Variants in PPARA observed in about 807,000 individuals in gnomAD.
PPARA encodes the protein peroxisome proliferator-activated receptor alpha.
A neutral mutation model predicts 42.2 loss-of-function variants in PPARA; 22 were observed. That is an observed-to-expected ratio of 0.52 (90% CI 0.37 to 0.74). PPARA has a LOEUF of 0.74. PPARA is among the 30% of genes least tolerant of loss of function. PPARA has a pLI of 0.00. For missense variants in PPARA, 465 were observed against 608.2 expected (o/e 0.76, Z 2.48); for synonymous variants, 242 against 239.3 (o/e 1.01, Z -0.10).
rs567271233 is a variant in PPARA at position 46,219,749 on chromosome 22, C to T, written c.509-63C>T. On this transcript the variant is annotated intron_variant, in intron 6 of 8. Transcript: ENST00000407236. This position sits in a 1 kb window ranked among gnomAD's most constrained non-coding sequence, Gnocchi z 4.8. ...TAAAGTCCTGGGGGAGCCCCTCGTC[C>T]AGCCCTGTCCGCGCAGTCATGACCT... The T allele has an allele frequency of 2.6e-6, 4 of 1,545,100 alleles. No individual in the cohort carries two copies. The South Asian group carries it at 4.5e-5, about 17-fold the overall frequency.
In PPARA at chr22:46,183,080, T is replaced by C. The variant is rs990400273; in HGVS notation, c.-43+6244T>C. On this transcript the variant is annotated intron_variant, in intron 3 of 8. Transcript: ENST00000407236. This position sits in a 1 kb window ranked among gnomAD's most constrained non-coding sequence, Gnocchi z 5.5. The stretch of plus-strand genomic sequence containing the variant: ...TCTTTTAAATGAAAAAAAGTTGTCT[T>C]GAAATAAGCATTAGAACTGTGGCTT... Among the ~76,000 whole-genome samples the C allele has an allele frequency of 6.6e-6, 1 of 152,200 alleles. No homozygotes were observed. Among genetic ancestry groups the C allele is most frequent in the South Asian group, 2.1e-4 (1 of 4,828 alleles).
intron 3 of PPARA, 67 bp downstream of exon 3, chr22:46,176,903 T>C (rs926070693): frequency 1.3e-5 from 2 of 152,232 alleles, no homozygotes; most frequent in Non-Finnish European, 2.9e-5. Flanking sequence ...AGGTGATCCT[T>C]TGAGCACTTT....
Position 46,211,946 on chromosome 22 carries a change from C to G in PPARA, c.209-3227C>G, listed in dbSNP as rs1010549659. Among the ~76,000 whole-genome samples, 6 of 152,046 alleles carry G rather than the reference C, an allele frequency of 3.9e-5. No homozygotes were observed. Among genetic ancestry groups the G allele is most frequent in the African/African-American group, 1.4e-4 (6 of 41,404 alleles). On this transcript the variant is annotated intron_variant, in intron 4 of 8. Coordinates refer to ENST00000407236, the MANE Select transcript of PPARA (RefSeq NM_005036.6). The surrounding 1 kb of genome is among the most constrained non-coding windows in gnomAD (Gnocchi z 4.1). ...TGACCTTGTGATCCACCTACCTCGG[C>G]CTCCCAAAGTGTTGGGATTACAGGC...
chr22:46,178,724 G>A (rs553598885), intron 3 of PPARA, among the ~76,000 whole-genome samples: 1 of 152,292 alleles, frequency 6.6e-6, no homozygotes, highest in South Asian at 2.1e-4. Context: ...ACTTGTGCCA[G>A]CCAGGAATGG....
chr22:46,215,876 C>T (rs114662257), intron 5 of PPARA, among the ~76,000 whole-genome samples: 188 of 152,294 alleles, frequency 1.2e-3, no homozygotes, highest in African/African-American at 3.8e-3. Flanking sequence ...CTAGCTTGTA[C>T]GCCCCTTATG....
chr22:46,178,702 A>G (rs1004464825), intron 3 of PPARA, among the ~76,000 whole-genome samples: 2 of 152,192 alleles, frequency 1.3e-5, no homozygotes, highest in Non-Finnish European at 2.9e-5. Context: ...ATTAGAAGGA[A>G]CAGTGCCCAG....
At position 46,150,685 on chromosome 22, in the gene PPARA, A is replaced by G. The variant is rs1924253550; in HGVS notation, c.-210+33A>G. 1 of 139,678 alleles carries G rather than the reference A, an allele frequency of 7.2e-6. No homozygotes were observed. The highest frequency in any genetic ancestry group is 2.6e-5 in the African/African-American group (1 of 37,890). 8.7% of individuals were successfully genotyped at this position (139,678 alleles called of 1,614,324 possible). ...GGGGCGGGCGGGCGGGCGGGCGGGA[A>G]CGCGCGCGGGGGTCCGCGGTCCGGG... On this transcript the variant is annotated intron_variant, in intron 1 of 8. Transcript: ENST00000407236. The surrounding 1 kb of genome is among the most constrained non-coding windows in gnomAD (Gnocchi z 7.5).
At chr22:46,202,795 G>A (rs1283156391) in intron 4 of PPARA, among the ~76,000 whole-genome samples, 1 of 150,522 alleles carries the variant, frequency 6.6e-6, no homozygotes, top group Non-Finnish European at 1.5e-5. Flanking sequence ...TCCAGGAGGC[G>A]GAGGTTGCAG....
Position 46,198,343 on chromosome 22 carries a change from A to G in PPARA, c.-41A>G. ...CCAATTGTTCCTCTTTCCTCCCAGTAGCTTGGAGCTCGGCGGCACAACCAG... is the reference window on the plus strand; with the variant it reads ...CCAATTGTTCCTCTTTCCTCCCAGTGGCTTGGAGCTCGGCGGCACAACCAG... On this transcript the variant is annotated splice_region_variant and 5_prime_UTR_variant, in exon 4 of 9. Transcript: ENST00000407236. 1 of 1,570,296 alleles carries G rather than the reference A, an allele frequency of 6.4e-7. No homozygotes were observed. Among genetic ancestry groups the G allele is most frequent in the Non-Finnish European group, 8.8e-7 (1 of 1,140,992 alleles).
chr22:46,186,039 T>G (rs961135834), intron 3 of PPARA, among the ~76,000 whole-genome samples: 6 of 144,106 alleles, frequency 4.2e-5, no homozygotes, highest in African/African-American at 1.5e-4. Flanking sequence ...TTCCTCTTGG[T>G]CTTGAGCAAA....
At position 46,225,465 on chromosome 22, in the gene PPARA, G is replaced by T. The variant is rs980338266; in HGVS notation, c.711+5451G>T. On this transcript the variant is annotated intron_variant, in intron 7 of 8. Transcript: ENST00000407236. The surrounding 1 kb of genome is among the most constrained non-coding windows in gnomAD (Gnocchi z 4.1). ...AAAATGAGACTGAGGGGCTTGGGCA[G>T]AGTCAGTGCCTTCTGTGTGATGCAC... Among the ~76,000 whole-genome samples, 1 of 152,150 alleles carries T rather than the reference G, an allele frequency of 6.6e-6. No homozygotes were observed. Among genetic ancestry groups the T allele is most frequent in the Non-Finnish European group, 1.5e-5 (1 of 68,006 alleles).
At position 46,185,894 on chromosome 22, in the gene PPARA, C is replaced by CAAAAAAA. The variant is rs1279499029; in HGVS notation, c.-43+9058_-43+9059insAAAAAAA. Among the ~76,000 whole-genome samples, 30 of 20,858 alleles carry CAAAAAAA rather than the reference C, an allele frequency of 1.4e-3. 3 individuals carry two copies. The highest frequency in any genetic ancestry group is 6.5e-3 in the African/African-American group (24 of 3,674). 13.7% of individuals were successfully genotyped at this position (20,858 alleles called of 152,430 possible). A position where few individuals can be genotyped will look rare whatever the true frequency, so the allele number is the denominator to read the frequency against. ...TGGGTGACAAAGTGAGACTCCGTCT[C>CAAAAAAA]CAAAAAAAAAAAAAAAAAAAAAATA... is the stretch of plus-strand genomic sequence containing the variant. On this transcript the variant is annotated intron_variant, in intron 3 of 8. Coordinates refer to ENST00000407236, the MANE Select transcript of PPARA (RefSeq NM_005036.6).
intron 5 of PPARA, among the ~76,000 whole-genome samples, chr22:46,217,676 G>C (rs1934608204): frequency 6.6e-6 from 1 of 152,056 alleles, no homozygotes; most frequent in Non-Finnish European, 1.5e-5. Context: ...AACTATAATT[G>C]TGTTTTCCCA....
chr22:46,189,777 C>T (rs1287852901), intron 3 of PPARA, among the ~76,000 whole-genome samples: 2 of 151,686 alleles, frequency 1.3e-5, no homozygotes, highest in South Asian at 2.1e-4. Flanking sequence ...GCAGTCTCAG[C>T]TCACTGCAAC....
In PPARA at chr22:46,190,691, G is replaced by A. The variant is rs145470311; in HGVS notation, c.-42-7651G>A. ...CCTGGGCCCGGGAGATCAAGGCTGC[G>A]GTGAGCCATGATCTTGCCATTGCAC... is the stretch of plus-strand genomic sequence containing the variant. On this transcript the variant is annotated intron_variant, in intron 3 of 8. Transcript: ENST00000407236. This position sits in a 1 kb window ranked among gnomAD's most constrained non-coding sequence, Gnocchi z 5.6. Among the ~76,000 whole-genome samples the A allele has an allele frequency of 9.3e-3, 1,416 of 152,198 alleles. 17 individuals carry two copies. The highest frequency in any genetic ancestry group is 0.032 in the African/African-American group (1,341 of 41,532).
intron 7 of PPARA, chr22:46,220,530 G>A: frequency 5.3e-6 from 1 of 189,866 alleles, no homozygotes; most frequent in Non-Finnish European, 1.1e-5. Flanking sequence ...TGGTAGAGAT[G>A]AGATGTTTCC....
intron 4 of PPARA, among the ~76,000 whole-genome samples, chr22:46,205,603 G>C (rs1933225498): frequency 1.2e-5 from 1 of 85,480 alleles, no homozygotes; most frequent in African/African-American, 4.6e-5. Context: ...GTCTCACTCT[G>C]TTGCCCAGGC....
rs1268120358 is a variant in PPARA at position 46,183,783 on chromosome 22, T to C, written c.-43+6947T>C. 6.6e-6 allele frequency among the ~76,000 whole-genome samples: 1 copy of C among 152,110 alleles called. No homozygotes were observed. The highest frequency in any genetic ancestry group is 1.5e-5 in the Non-Finnish European group (1 of 68,020). On this transcript the variant is annotated intron_variant, in intron 3 of 8. Transcript: ENST00000407236. This position sits in a 1 kb window ranked among gnomAD's most constrained non-coding sequence, Gnocchi z 5.5. ...AAACAAAAAAAGCTAAATTATCAAA[T>C]GTCTAGATCGTTGATGGTTGGAAGT... is the stretch of plus-strand genomic sequence containing the variant.
Position 46,225,138 on chromosome 22 carries a change from T to C in PPARA, c.711+5124T>C, listed in dbSNP as rs760665485. Reference sequence around the variant, plus strand: ...CCATTGCTTGAGGAAAGGTGGGCTTTAGCTGAGGGAAGGAGTGAGGGGTGG... The same window carrying C: ...CCATTGCTTGAGGAAAGGTGGGCTTCAGCTGAGGGAAGGAGTGAGGGGTGG... On this transcript the variant is annotated intron_variant, in intron 7 of 8. Coordinates refer to ENST00000407236, the MANE Select transcript of PPARA (RefSeq NM_005036.6). The surrounding 1 kb of genome is among the most constrained non-coding windows in gnomAD (Gnocchi z 4.1). 1.3e-5 allele frequency among the ~76,000 whole-genome samples: 2 copies of C among 152,060 alleles called. No homozygotes were observed. Among genetic ancestry groups the C allele is most frequent in the African/African-American group, 2.4e-5 (1 of 41,404 alleles).
Sources: allele counts gnomAD v4.1 joint callset (sites outside exome capture counted in the v4.1 genomes callset), GRCh38; gene constraint gnomAD v4.1.1; non-coding constraint Gnocchi (gnomAD v3.1); transcripts MANE v1.5; gene names NCBI Gene and HGNC (gene_info 2026-07-23, HGNC 2026-07-21).